HTR2C: variants seen among roughly 807,000 people sequenced by gnomAD.
HTR2C encodes the protein 5-hydroxytryptamine (serotonin) receptor 2C, G protein-coupled.
HTR2C carries 5 observed loss-of-function variants against 21.0 expected under a neutral mutation model. The observed-to-expected ratio is 0.24, with a 90% CI of 0.12 to 0.50. The LOEUF is 0.50. Among genes scored for constraint, HTR2C ranks in the 20% least tolerant of loss-of-function variants. The pLI is 0.98. For synonymous variants in HTR2C, 150 were observed against 145.3 expected, an observed-to-expected ratio of 1.03 and a Z score of -0.23; for missense variants, 271 against 371.2, an observed-to-expected ratio of 0.73 and a Z score of 2.22.
At chrX:114,816,128 T>C (rs1556454399) in intron 4 of HTR2C, among the ~76,000 whole-genome samples, 1 of 111,072 alleles carries the variant, frequency 9.0e-6, no homozygotes, top group African/African-American at 3.3e-5. Flanking sequence ...TGCTTGCATG[T>C]CTGTCTCTCT....
At chrX:114,621,053 G>A (rs1167823120) in intron 2 of HTR2C, among the ~76,000 whole-genome samples, 1 of 111,518 alleles carries the variant, frequency 9.0e-6, no homozygotes, top group African/African-American at 3.3e-5. Context: ...GCTAATTTTT[G>A]TATTTTTAGT....
At chrX:114,656,893 T>A (rs782226984) in intron 2 of HTR2C, among the ~76,000 whole-genome samples, 1 of 110,587 alleles carries the variant, frequency 9.0e-6, no homozygotes, top group Admixed American at 9.7e-5. Flanking sequence ...AAAGGACATA[T>A]GTGAAAAAAA....
chrX:114,664,770 TC>T (rs1556410681), intron 2 of HTR2C, among the ~76,000 whole-genome samples: 1 of 111,712 alleles, frequency 9.0e-6, no homozygotes, highest in Admixed American at 9.5e-5. Context: ...GGGATTTCTG[TC>T]CCTAGGCCTT....
chrX:114,870,497 G>T (rs1294469455), intron 5 of HTR2C, among the ~76,000 whole-genome samples: 2 of 111,537 alleles, frequency 1.8e-5, no homozygotes, highest in African/African-American at 6.5e-5. Context: ...AATAGGATTG[G>T]CATTAGTTCT....
intron 4 of HTR2C, among the ~76,000 whole-genome samples, chrX:114,823,014 A>G (rs1159758826): frequency 9.0e-6 from 1 of 111,327 alleles, no homozygotes; most frequent in Non-Finnish European, 1.9e-5. Flanking sequence ...TACATCTGGG[A>G]TAGCTTTGGT....
At chrX:114,703,348 A>G (rs1212835190) in intron 2 of HTR2C, among the ~76,000 whole-genome samples, 1 of 110,344 alleles carries the variant, frequency 9.1e-6, no homozygotes, top group Non-Finnish European at 1.9e-5. Flanking sequence ...AACAGAAATT[A>G]TAACAAACTG....
intron 2 of HTR2C, among the ~76,000 whole-genome samples, chrX:114,619,000 G>A (rs1163125104): frequency 1.8e-5 from 2 of 111,464 alleles, no homozygotes; most frequent in Middle Eastern, 4.7e-3. Context: ...TCCATTAGAT[G>A]TATACATAAA....
At chrX:114,780,547 C>T (rs1556440271) in intron 4 of HTR2C, among the ~76,000 whole-genome samples, 2 of 111,478 alleles carry the variant, frequency 1.8e-5, no homozygotes, top group Admixed American at 9.5e-5. Context: ...CACAACCTCA[C>T]CCTTAGGGTC....
At chrX:114,900,730 A>C (rs2071331479) in intron 5 of HTR2C, among the ~76,000 whole-genome samples, 1 of 112,161 alleles carries the variant, frequency 8.9e-6, no homozygotes, top group Admixed American at 9.4e-5. Flanking sequence ...TAGGAAACGT[A>C]TTCTCTAATC....
At chrX:114,686,588 C>T (rs935854586) in intron 2 of HTR2C, among the ~76,000 whole-genome samples, 8 of 110,690 alleles carry the variant, frequency 7.2e-5, no homozygotes, top group Non-Finnish European at 1.5e-4. Flanking sequence ...AAACAGTCTA[C>T]AATTTTAAAT....
At chrX:114,774,176 TGTTG>T (rs2070033259) in intron 4 of HTR2C, among the ~76,000 whole-genome samples, 1 of 111,753 alleles carries the variant, frequency 8.9e-6, no homozygotes, top group African/African-American at 3.3e-5. Context: ...TGTTTGTGTG[TGTTG>T]GTTGGAGGCA....
intron 2 of HTR2C, among the ~76,000 whole-genome samples, chrX:114,646,653 A>G (rs1254849254): frequency 1.8e-5 from 2 of 111,970 alleles, no homozygotes; most frequent in African/African-American, 3.2e-5. Context: ...TCACTCTGTT[A>G]ATGTGCAGAA....
intron 2 of HTR2C, among the ~76,000 whole-genome samples, chrX:114,647,279 A>G (rs1413456025): frequency 3.6e-5 from 4 of 112,178 alleles, no homozygotes; most frequent in African/African-American, 1.3e-4. Flanking sequence ...GGTTCTGGCT[A>G]TACTAATTAG....
chrX:114,734,564 T>TAAAAAAAAAAAA (rs61672860), intron 4 of HTR2C, among the ~76,000 whole-genome samples: 19 of 34,296 alleles, frequency 5.5e-4, no homozygotes, highest in African/African-American at 1.7e-3. Flanking sequence ...GCCTTACATG[T>TAAAAAAAAAAAA]AAAAAAAAAA....
chrX:114,699,893 C>T (rs2147306914), intron 2 of HTR2C, among the ~76,000 whole-genome samples: 1 of 112,056 alleles, frequency 8.9e-6, no homozygotes, highest in East Asian at 2.8e-4. Context: ...TATATGACTG[C>T]CAGTTTACTC....
intron 2 of HTR2C, among the ~76,000 whole-genome samples, chrX:114,640,407 G>T (rs1556406192): frequency 2.7e-5 from 3 of 111,648 alleles, no homozygotes; most frequent in African/African-American, 9.8e-5. Flanking sequence ...TAAAGTACAC[G>T]GCTGGGCCAT....
chrX:114,704,254 C>A (rs185476151), intron 2 of HTR2C, among the ~76,000 whole-genome samples: 4 of 111,019 alleles, frequency 3.6e-5, no homozygotes, highest in Non-Finnish European at 5.7e-5. Context: ...GAGACACAAC[C>A]AAAAAAGAGA....
In HTR2C at chrX:114,649,026, A is replaced by G. The variant is rs951048198; in HGVS notation, c.-80+35145A>G. ...ATTGCCTACTGTACGCTACATACGG[A>G]TACTTTAACGTCAACAGATCTTGGC... On this transcript the variant is annotated intron_variant, in intron 2 of 5. Coordinates refer to ENST00000276198, the MANE Select transcript of HTR2C (RefSeq NM_000868.4). Among the ~76,000 whole-genome samples, 6 of 111,843 alleles carry G rather than the reference A, an allele frequency of 5.4e-5. No individual in the cohort carries two copies. In the South Asian group the frequency reaches 1.8e-3, roughly 34 times the overall value.
intron 4 of HTR2C, among the ~76,000 whole-genome samples, chrX:114,764,917 TTC>T (rs1468348907): frequency 1.6e-5 from 1 of 64,157 alleles, no homozygotes; most frequent in African/African-American, 5.6e-5. Flanking sequence ...CTTTCTTTCT[TTC>T]TTTCTTTTCC....
Sources: allele counts gnomAD v4.1 joint callset (sites outside exome capture counted in the v4.1 genomes callset), GRCh38; gene constraint gnomAD v4.1.1; transcripts MANE v1.5; gene names NCBI Gene and HGNC (gene_info 2026-07-23, HGNC 2026-07-21).